FUT8: variants seen among roughly 807,000 people sequenced by gnomAD.
FUT8 encodes the protein alpha-(1,6)-fucosyltransferase.
FUT8 carries 29 observed loss-of-function variants against 71.3 expected under a neutral mutation model. That is an observed-to-expected ratio of 0.41 (90% CI 0.30 to 0.55). The LOEUF is 0.55. Among genes scored for constraint, FUT8 ranks in the 20% least tolerant of loss-of-function variants. The pLI is 0.34. For missense variants in FUT8, 544 were observed against 702.1 expected (o/e 0.77, Z 2.55); for synonymous variants, 254 against 239.3 (o/e 1.06, Z -0.57).
At chr14:65,634,633 G>A (rs1434059555) in intron 6 of FUT8, among the ~76,000 whole-genome samples, 3 of 150,894 alleles carry the variant, frequency 2.0e-5, no homozygotes, top group African/African-American at 4.9e-5. Context: ...TCAGTTGGCT[G>A]TAAGTTTTTG....
chr14:65,679,417 T>A (rs1892928536), intron 7 of FUT8, among the ~76,000 whole-genome samples: 1 of 152,212 alleles, frequency 6.6e-6, no homozygotes, highest in Admixed American at 6.5e-5. Flanking sequence ...TATCTACATT[T>A]TAAAAGTTAT....
intron 1 of FUT8, among the ~76,000 whole-genome samples, chr14:65,432,495 A>G (rs968137534): frequency 3.3e-5 from 5 of 151,268 alleles, no homozygotes; most frequent in Admixed American, 1.3e-4. Context: ...TTGTCAAACT[A>G]TCAGAGGCCT....
intron 7 of FUT8, among the ~76,000 whole-genome samples, chr14:65,719,818 G>C (rs1484458565): frequency 6.6e-6 from 1 of 152,212 alleles, no homozygotes; most frequent in Non-Finnish European, 1.5e-5. Flanking sequence ...ACGAGTCTCT[G>C]ATTCTGTGCT....
intron 5 of FUT8, among the ~76,000 whole-genome samples, chr14:65,622,403 A>G (rs918712502): frequency 5.3e-5 from 8 of 152,196 alleles, no homozygotes; most frequent in Non-Finnish European, 2.9e-5. Context: ...ACATTAGGAA[A>G]ACTTAACTCT....
chr14:65,736,782 G>A (rs1202491044), intron 10 of FUT8, among the ~76,000 whole-genome samples: 1 of 151,976 alleles, frequency 6.6e-6, no homozygotes, highest in African/African-American at 2.4e-5. Flanking sequence ...ATAAAAACAT[G>A]GATAACCAAC....
At chr14:65,617,267 G>T in intron 5 of FUT8, 1 of 1,386,672 alleles carries the variant, frequency 7.2e-7, no homozygotes. Context: ...TGTTTTAGGT[G>T]AAATTATAAA....
chr14:65,619,165 GATC>G (rs140038816), intron 5 of FUT8, among the ~76,000 whole-genome samples: 1 of 152,282 alleles, frequency 6.6e-6, no homozygotes, highest in East Asian at 1.9e-4. Flanking sequence ...GTGAAAAACA[GATC>G]ATAATAGTAG....
chr14:65,570,286 G>A (rs1886400122), intron 3 of FUT8, among the ~76,000 whole-genome samples: 1 of 152,024 alleles, frequency 6.6e-6, no homozygotes, highest in Admixed American at 6.6e-5. Context: ...TCCCTACCCA[G>A]AATCAGCAAA....
intron 6 of FUT8, among the ~76,000 whole-genome samples, chr14:65,640,303 A>G (rs1345158050): frequency 3.3e-5 from 5 of 152,022 alleles, no homozygotes. Context: ...AGCAGATGGT[A>G]AATACTAGAG....
intron 2 of FUT8, among the ~76,000 whole-genome samples, chr14:65,510,943 A>G (rs922921996): frequency 1.3e-5 from 2 of 151,552 alleles, no homozygotes; most frequent in African/African-American, 4.8e-5. Context: ...TTCTTCTACT[A>G]CTTTTGAGTT....
the FUT8 span, among the ~76,000 whole-genome samples, chr14:65,392,768 G>A: frequency 6.6e-6 from 1 of 152,172 alleles, no homozygotes. Flanking sequence ...GAAGCGTCCT[G>A]CTTCTTCCTC....
At chr14:65,636,315 ATTT>A (rs56786117) in intron 6 of FUT8, among the ~76,000 whole-genome samples, 11 of 132,238 alleles carry the variant, frequency 8.3e-5, no homozygotes, top group Admixed American at 2.2e-4. Context: ...TATCTTTTGT[ATTT>A]TTTTTTTGTT....
intron 6 of FUT8, among the ~76,000 whole-genome samples, chr14:65,635,391 A>C (rs1890493246): frequency 6.6e-6 from 1 of 152,120 alleles, no homozygotes; most frequent in Non-Finnish European, 1.5e-5. Flanking sequence ...AGGAGTGGTG[A>C]GAGCGGGCAT....
Position 65,429,709 on chromosome 14 carries a change from A to G in FUT8, c.-326+16495A>G, listed in dbSNP as rs78653110. Among the ~76,000 whole-genome samples, 862 of 151,988 alleles carry G rather than the reference A, an allele frequency of 5.7e-3. 30 individuals carry two copies. The East Asian group carries it at 0.092, about 16-fold the overall frequency. On this transcript the variant is annotated intron_variant, in intron 1 of 10. Coordinates refer to ENST00000673929, the MANE Select transcript of FUT8 (RefSeq NM_001371533.1). ...GATACCCCATCTTTACAAATAATTA[A>G]AAAATCAGCCGGGTGTGGTGGTGTG...
chr14:65,456,018 G>A (rs565068040), intron 2 of FUT8, among the ~76,000 whole-genome samples: 33 of 152,154 alleles, frequency 2.2e-4, no homozygotes, highest in Admixed American at 1.5e-3. Flanking sequence ...TTTTGGCATC[G>A]TTGTGTGGCA....
intron 6 of FUT8, among the ~76,000 whole-genome samples, chr14:65,639,509 G>GACACACACAC (rs10559310): frequency 1.3e-4 from 20 of 148,228 alleles, no homozygotes; most frequent in Admixed American, 3.4e-4. Flanking sequence ...TTCAAATCCA[G>GACACACACAC]ACACACACAC....
chr14:65,686,599 C>T (rs1389424028), intron 7 of FUT8, among the ~76,000 whole-genome samples: 12 of 152,002 alleles, frequency 7.9e-5, no homozygotes, highest in Middle Eastern at 3.4e-3. Flanking sequence ...ACAGTTTGTA[C>T]AATGATTGAT....
chr14:65,509,999 C>A (rs1350072015), intron 2 of FUT8, among the ~76,000 whole-genome samples: 1 of 152,088 alleles, frequency 6.6e-6, no homozygotes, highest in Non-Finnish European at 1.5e-5. Flanking sequence ...AGTGGGCATC[C>A]TTGTTATGTT....
intron 7 of FUT8, among the ~76,000 whole-genome samples, chr14:65,713,310 A>G (rs1157274430): frequency 6.6e-6 from 1 of 152,162 alleles, no homozygotes; most frequent in Non-Finnish European, 1.5e-5. Flanking sequence ...TCATCTGGAC[A>G]CTTAGGTTGC....
Sources: allele counts gnomAD v4.1 joint callset (sites outside exome capture counted in the v4.1 genomes callset), GRCh38; gene constraint gnomAD v4.1.1; transcripts MANE v1.5; gene names NCBI Gene and HGNC (gene_info 2026-07-23, HGNC 2026-07-21).